The following PPFIA2 variants were observed in gnomAD, a reference collection of about 807,000 sequenced individuals.
The protein encoded by PPFIA2 is liprin-alpha-2.
A neutral mutation model predicts 175.5 loss-of-function variants in PPFIA2; 46 were observed. The ratio of observed to expected loss-of-function variants is 0.26; its 90% confidence interval spans 0.21 to 0.34. The LOEUF (loss-of-function observed/expected upper bound fraction) is 0.34. PPFIA2 is among the 10% of genes least tolerant of loss of function. The probability of loss-of-function intolerance (pLI) is 1.00; values close to 1 mark genes in which losing one functional copy is unlikely to be tolerated. For synonymous variants in PPFIA2, 568 were observed against 511.4 expected (o/e 1.11, Z -1.49); for missense variants, 1,179 against 1,506.1 (o/e 0.78, Z 3.60).
chr12:81,654,368 G>C (rs1407755194), intron 4 of PPFIA2, among the ~76,000 whole-genome samples: 16 of 151,896 alleles, frequency 1.1e-4, no homozygotes, highest in Admixed American at 1.1e-3. Flanking sequence ...CGAGACACTT[G>C]ATCACTATTT....
intron 7 of PPFIA2, among the ~76,000 whole-genome samples, chr12:81,408,233 A>G (rs2043270996): frequency 6.6e-6 from 1 of 152,136 alleles, no homozygotes; most frequent in African/African-American, 2.4e-5. Flanking sequence ...TTTATATTAC[A>G]CTCTTAACTT....
intron 14 of PPFIA2, among the ~76,000 whole-genome samples, chr12:81,365,560 A>G (rs938450711): frequency 5.3e-5 from 8 of 151,724 alleles, no homozygotes; most frequent in African/African-American, 1.9e-4. Flanking sequence ...AAAATTCACA[A>G]TCTGCTCAAA....
At chr12:81,362,103 A>T (rs1450767728) in intron 15 of PPFIA2, among the ~76,000 whole-genome samples, 1 of 151,358 alleles carries the variant, frequency 6.6e-6, no homozygotes, top group Non-Finnish European at 1.5e-5. Flanking sequence ...AAGATGAGAT[A>T]GTGAATCAAA....
rs547142275 is a variant in PPFIA2 at position 81,584,337 on chromosome 12, T to C, written c.303+92454A>G. Among the ~76,000 whole-genome samples, 31 of 152,024 alleles carry C rather than the reference T, an allele frequency of 2.0e-4. 1 individual carries two copies. In the South Asian group the frequency reaches 5.8e-3, roughly 28 times the overall value. ...ATAATATTTTATTTATGATGCCATA[T>C]ATCATTTAGGATTTCAAAGATGGCT... On this transcript the variant is annotated intron_variant, in intron 4 of 32. Coordinates refer to ENST00000549396, the MANE Select transcript of PPFIA2 (RefSeq NM_003625.5).
At chr12:81,656,235 G>A (rs1287814271) in intron 4 of PPFIA2, among the ~76,000 whole-genome samples, 1 of 151,834 alleles carries the variant, frequency 6.6e-6, no homozygotes, top group African/African-American at 2.4e-5. Context: ...GTAAATACAT[G>A]GTTTCAAAAA....
At chr12:81,384,387 T>C in intron 8 of PPFIA2, 143 bp from the exon 9 acceptor site, 1 of 629,878 alleles carries the variant, frequency 1.6e-6, no homozygotes. Context: ...GCCGAAAAAC[T>C]AAGTTTCTAA....
intron 4 of PPFIA2, among the ~76,000 whole-genome samples, chr12:81,558,347 T>C (rs139056249): frequency 2.1e-4 from 32 of 152,326 alleles, no homozygotes; most frequent in East Asian, 5.8e-4. Context: ...GAATGGAAGA[T>C]TGATCAGTAG....
intron 4 of PPFIA2, chr12:81,597,873 T>G: frequency 1.4e-6 from 2 of 1,383,190 alleles, no homozygotes; most frequent in South Asian, 2.6e-5. Context: ...TAAGTCTTTC[T>G]TCCTTTATAT....
intron 27 of PPFIA2, among the ~76,000 whole-genome samples, chr12:81,278,855 A>C (rs559703516): frequency 5.3e-5 from 8 of 152,218 alleles, no homozygotes. Context: ...GCAAATTTAG[A>C]CATACACATT....
At chr12:81,513,448 C>T (rs2062031377) in intron 4 of PPFIA2, among the ~76,000 whole-genome samples, 1 of 151,940 alleles carries the variant, frequency 6.6e-6, no homozygotes, top group African/African-American at 2.4e-5. Flanking sequence ...GAAACATGCA[C>T]CTGCAAGTTT....
At chr12:81,384,516 C>T (rs2038487240) in intron 8 of PPFIA2, among the ~76,000 whole-genome samples, 1 of 151,840 alleles carries the variant, frequency 6.6e-6, no homozygotes, top group African/African-American at 2.4e-5. Context: ...TAGCATAAAA[C>T]ATTGATGTAT....
At chr12:81,339,755 C>T (rs1214052295) in intron 20 of PPFIA2, among the ~76,000 whole-genome samples, 1 of 152,044 alleles carries the variant, frequency 6.6e-6, no homozygotes, top group Non-Finnish European at 1.5e-5. Flanking sequence ...GAAATTGAAG[C>T]TGCTCTTCTA....
At chr12:81,617,376 A>G (rs1457439544) in intron 4 of PPFIA2, among the ~76,000 whole-genome samples, 1 of 152,132 alleles carries the variant, frequency 6.6e-6, no homozygotes, top group East Asian at 1.9e-4. Context: ...TCCCACCACT[A>G]GTCTGTAGAT....
At chr12:81,654,839 T>C (rs780419728) in intron 4 of PPFIA2, among the ~76,000 whole-genome samples, 1 of 152,152 alleles carries the variant, frequency 6.6e-6, no homozygotes. Context: ...TAAAACAACT[T>C]GGGAAGCGCT....
At chr12:81,559,388 T>C (rs2069511007) in intron 4 of PPFIA2, among the ~76,000 whole-genome samples, 1 of 152,218 alleles carries the variant, frequency 6.6e-6, no homozygotes, top group Non-Finnish European at 1.5e-5. Context: ...CACAATATTG[T>C]CATTCCAGAG....
At chr12:81,729,557 C>G (rs1016232737) in intron 3 of PPFIA2, among the ~76,000 whole-genome samples, 23 of 151,624 alleles carry the variant, frequency 1.5e-4, no homozygotes, top group Non-Finnish European at 2.8e-4. Context: ...AACAGCCCCC[C>G]AAGGATATCT....
intron 6 of PPFIA2, among the ~76,000 whole-genome samples, chr12:81,441,752 A>G (rs1482874959): frequency 1.3e-5 from 2 of 152,128 alleles, no homozygotes; most frequent in African/African-American, 4.8e-5. Flanking sequence ...TTTAACAGGG[A>G]TTCCCATATT....
intron 21 of PPFIA2, among the ~76,000 whole-genome samples, 169 bp downstream of exon 21, chr12:81,339,011 G>A (rs2057588700): frequency 6.6e-6 from 1 of 152,052 alleles, no homozygotes. Context: ...GTTGTATTAA[G>A]CATTATTCAG....
intron 4 of PPFIA2, among the ~76,000 whole-genome samples, chr12:81,543,369 A>G (rs777593945): frequency 2.6e-4 from 40 of 152,156 alleles, no homozygotes; most frequent in South Asian, 6.2e-4. Flanking sequence ...ACAGCAGTGA[A>G]TAGAGCTCCT....
Sources: gnomAD v4.1 joint callset for allele counts (sites outside exome capture counted in the v4.1 genomes callset) on GRCh38, gnomAD v4.1.1 for gene constraint, MANE v1.5 for transcripts, NCBI Gene and HGNC (gene_info 2026-07-23, HGNC 2026-07-21) for gene names.